The following NAALADL2 variants were observed in gnomAD, a reference collection of about 807,000 sequenced individuals.
NAALADL2 encodes N-acetylated alpha-linked acidic dipeptidase like 2, also known as inactive N-acetylated-alpha-linked acidic dipeptidase-like protein 2.
NAALADL2 carries 76 observed loss-of-function variants against 87.2 expected under a neutral mutation model. The observed-to-expected ratio is 0.87, with a 90% confidence interval of 0.72 to 1.05. NAALADL2 has a LOEUF of 1.05. NAALADL2 is among the 50% of genes least tolerant of loss of function. The pLI is 0.00. For synonymous variants in NAALADL2, 354 were observed against 331.0 expected, an observed-to-expected ratio of 1.07 and a Z score of -0.75; for missense variants, 1,089 against 945.8, an observed-to-expected ratio of 1.15 and a Z score of -1.99.
intron 3 of NAALADL2, among the ~76,000 whole-genome samples, chr3:174,815,007 C>T (rs1276522360): frequency 6.6e-6 from 1 of 152,148 alleles, no homozygotes; most frequent in Non-Finnish European, 1.5e-5. Context: ...TTCTATATAA[C>T]ATGTTGAATG....
intron 3 of NAALADL2, among the ~76,000 whole-genome samples, chr3:174,790,487 T>C (rs1483581357): frequency 6.6e-6 from 1 of 151,888 alleles, no homozygotes; most frequent in Non-Finnish European, 1.5e-5. Flanking sequence ...CTGTCTCTAC[T>C]AAAATGCAAA....
chr3:175,423,451 G>A (rs552628411), intron 5 of NAALADL2, among the ~76,000 whole-genome samples: 16 of 133,744 alleles, frequency 1.2e-4, no homozygotes, highest in East Asian at 2.2e-4. Flanking sequence ...GGTGTGTGAT[G>A]TTCCCCTTCC....
chr3:175,678,562 A>C (rs1735143838), intron 11 of NAALADL2, among the ~76,000 whole-genome samples: 1 of 152,228 alleles, frequency 6.6e-6, no homozygotes, highest in Non-Finnish European at 1.5e-5. Flanking sequence ...TGATGAGTTC[A>C]TGTCCTTTTT....
intron 11 of NAALADL2, among the ~76,000 whole-genome samples, chr3:175,633,771 A>C (rs527579574): frequency 7.9e-5 from 12 of 151,726 alleles, no homozygotes; most frequent in Non-Finnish European, 1.5e-4. Flanking sequence ...ATGGCATAGG[A>C]TATATAAGAT....
intron 1 of NAALADL2, among the ~76,000 whole-genome samples, chr3:175,093,627 AC>A (rs906787552): frequency 6.6e-6 from 1 of 150,676 alleles, no homozygotes; most frequent in Non-Finnish European, 1.5e-5. Flanking sequence ...AATTGATTTT[AC>A]CAAGTTAGTG....
At chr3:174,588,427 C>T (rs780095234) in intron 2 of NAALADL2, among the ~76,000 whole-genome samples, 11 of 152,182 alleles carry the variant, frequency 7.2e-5, no homozygotes, top group South Asian at 4.1e-4. Flanking sequence ...TGAGGAGCTG[C>T]GTTCCTTTGG....
intron 2 of NAALADL2, among the ~76,000 whole-genome samples, chr3:175,134,243 G>C (rs953419090): frequency 6.6e-6 from 1 of 152,224 alleles, no homozygotes; most frequent in Non-Finnish European, 1.5e-5. Flanking sequence ...TTCCCTTGAA[G>C]AATGATTTTA....
At chr3:174,893,655 G>T (rs984241990) in intron 1 of NAALADL2, among the ~76,000 whole-genome samples, 1 of 152,018 alleles carries the variant, frequency 6.6e-6, no homozygotes, top group Admixed American at 6.5e-5. Flanking sequence ...AAAATAATGG[G>T]TTATAAAATA....
In NAALADL2 at chr3:175,273,633, G is replaced by A. The variant is rs145167759; in HGVS notation, c.939+17103G>A. On this transcript the variant is annotated intron_variant, in intron 4 of 13. Coordinates refer to ENST00000454872, the MANE Select transcript of NAALADL2 (RefSeq NM_207015.3). Reference sequence around the variant, plus strand: ...AGGTAAAACTTGCAAAAATCAAATTGTTGTTTAAGGAAATAGAAAAAAAAT... The same window carrying A: ...AGGTAAAACTTGCAAAAATCAAATTATTGTTTAAGGAAATAGAAAAAAAAT... Among the ~76,000 whole-genome samples the A allele has an allele frequency of 1.9e-3, 285 of 151,856 alleles. 1 individual carries two copies. Among genetic ancestry groups the A allele is most frequent in the African/African-American group, 6.6e-3 (274 of 41,440 alleles).
intron 4 of NAALADL2, among the ~76,000 whole-genome samples, chr3:175,322,945 C>G (rs980193972): frequency 6.6e-6 from 1 of 151,726 alleles, no homozygotes; most frequent in Non-Finnish European, 1.5e-5. Flanking sequence ...CCTCGGGGAT[C>G]TAGAACTAGA....
At position 175,593,961 on chromosome 3, in the gene NAALADL2, T is replaced by C. The variant is rs147774522; in HGVS notation, c.1800+17774T>C. Among the ~76,000 whole-genome samples the C allele has an allele frequency of 5.4e-3, 804 of 150,092 alleles. 4 individuals carry two copies. The highest frequency in any genetic ancestry group is 0.017 in the Middle Eastern group (5 of 288). ...TGTTATTTTTAGGAAATAGGTTTCT[T>C]ACTTGATCATGTTGCTATTCTTTTT... On this transcript the variant is annotated intron_variant, in intron 10 of 13. Coordinates refer to ENST00000454872, the MANE Select transcript of NAALADL2 (RefSeq NM_207015.3).
chr3:174,955,141 G>A (rs1560408871), intron 1 of NAALADL2, among the ~76,000 whole-genome samples: 2 of 152,018 alleles, frequency 1.3e-5, no homozygotes, highest in African/African-American at 2.4e-5. Flanking sequence ...GAAAAATTAC[G>A]GCCTCCACAG....
At chr3:175,753,994 G>C (rs768342595) in intron 12 of NAALADL2, among the ~76,000 whole-genome samples, 2 of 152,150 alleles carry the variant, frequency 1.3e-5, no homozygotes, top group Non-Finnish European at 2.9e-5. Flanking sequence ...CTAGTCTGCT[G>C]AGAATGATAC....
At position 175,799,156 on chromosome 3, in the gene NAALADL2, CTT is replaced by C. The variant is rs1347370338; in HGVS notation, c.2190-3848_2190-3847del. Among the ~76,000 whole-genome samples the C allele has an allele frequency of 3.9e-4, 59 of 151,714 alleles. 1 individual carries two copies. The highest frequency in any genetic ancestry group is 1.2e-3 in the African/African-American group (51 of 41,508). Reference sequence around the variant, plus strand: ...TTTAAAAATATCGATTGTACTCTCTCTTAAATTCTGGAAATATGTTTGCCATT... The same window carrying C: ...TTTAAAAATATCGATTGTACTCTCTCAAATTCTGGAAATATGTTTGCCATT... On this transcript the variant is annotated intron_variant, in intron 13 of 13. Coordinates refer to ENST00000454872, the MANE Select transcript of NAALADL2 (RefSeq NM_207015.3).
At chr3:175,093,416 T>TATATATA (rs1489640629) in intron 1 of NAALADL2, among the ~76,000 whole-genome samples, 3,863 of 139,458 alleles carry the variant, frequency 0.028, 175 homozygotes, top group African/African-American at 0.096. Context: ...TTTTATTTTT[T>TATATATA]TATATATATA....
At chr3:175,239,917 T>A (rs1383477112) in intron 3 of NAALADL2, among the ~76,000 whole-genome samples, 1 of 152,184 alleles carries the variant, frequency 6.6e-6, no homozygotes, top group Non-Finnish European at 1.5e-5. Context: ...ACTCTATCAA[T>A]GTTAGCTCTT....
At chr3:174,546,914 C>T (rs1367383110) in intron 1 of NAALADL2, among the ~76,000 whole-genome samples, 2 of 152,032 alleles carry the variant, frequency 1.3e-5, no homozygotes, top group Non-Finnish European at 2.9e-5. Flanking sequence ...TATCTTGTTT[C>T]CTGTTCTCTT....
At chr3:175,446,800 C>T (rs1720778888) in intron 5 of NAALADL2, among the ~76,000 whole-genome samples, 1 of 152,172 alleles carries the variant, frequency 6.6e-6, no homozygotes, top group African/African-American at 2.4e-5. Context: ...GTGGTACAAA[C>T]AGCATTCTCA....
chr3:175,113,173 A>T (rs1279311486), intron 2 of NAALADL2, among the ~76,000 whole-genome samples: 1 of 151,606 alleles, frequency 6.6e-6, no homozygotes, highest in Non-Finnish European at 1.5e-5. Context: ...GGAAAATTAT[A>T]AGATCAGACA....
Sources: allele counts gnomAD v4.1 joint callset (sites outside exome capture counted in the v4.1 genomes callset), GRCh38; gene constraint gnomAD v4.1.1; transcripts MANE v1.5; gene names NCBI Gene and HGNC (gene_info 2026-07-23, HGNC 2026-07-21).